Variants in WWOX observed in about 807,000 individuals in gnomAD.
The protein encoded by WWOX is WW domain containing oxidoreductase.
In WWOX, 69 loss-of-function variants were observed where a neutral mutation model predicts 46.2. The observed-to-expected ratio is 1.49, with a 90% CI of 1.23 to 1.82. The LOEUF (loss-of-function observed/expected upper bound fraction) is 1.82. Among genes scored for constraint, WWOX ranks in the 40% most tolerant of loss-of-function variants. WWOX has a pLI of 0.00. For missense variants in WWOX, 919 were observed against 542.6 expected (o/e 1.69, Z -6.89); for synonymous variants, 359 against 202.6 (o/e 1.77, Z -6.56).
In WWOX at chr16:79,212,087, G is replaced by A. The variant is rs865886317; in HGVS notation, c.*291G>A. 8 of 1,536,254 alleles carry A rather than the reference G, an allele frequency of 5.2e-6. No homozygotes were observed. Among genetic ancestry groups the A allele is most frequent in the South Asian group, 3.6e-5 (3 of 84,056 alleles). On this transcript the variant is annotated 3_prime_UTR_variant, in exon 9 of 9. Coordinates refer to ENST00000566780, the MANE Select transcript of WWOX (RefSeq NM_016373.4). The stretch of plus-strand genomic sequence containing the variant: ...GGTGTGTAGGTTCCGTATCTCCCTG[G>A]AGAAGCACCAGCAATTCTCTTTCTT...
chr16:78,799,769 T>C (rs926738936), intron 8 of WWOX, among the ~76,000 whole-genome samples: 64 of 152,186 alleles, frequency 4.2e-4, no homozygotes, highest in African/African-American at 1.5e-3. Flanking sequence ...GGGCATGCCA[T>C]TGGGAGAACA....
intron 8 of WWOX, among the ~76,000 whole-genome samples, chr16:78,588,387 G>A (rs1227181289): frequency 6.6e-6 from 1 of 152,110 alleles, no homozygotes; most frequent in Non-Finnish European, 1.5e-5. Flanking sequence ...TATATCTTGG[G>A]GGGCCAGGAT....
chr16:78,386,931 A>G lies in WWOX; in HGVS notation c.588A>G (p.Ala196=), dbSNP rs1251272581. The G allele has an allele frequency of 2.5e-6, 4 of 1,614,138 alleles. No homozygotes were observed. Among genetic ancestry groups the G allele is most frequent in the East Asian group, 4.5e-5 (2 of 44,886 alleles). ...LLRSVQHFAE[A]FKAKNVPLHV... ...GTAGCGTGCAGCATTTTGCTGAAGC[A>G]TTCAAGGCCAAGAATGTGTGAGTGT... Residue 196 remains alanine (A), a synonymous_variant, in exon 6 of 9, where the codon GCA becomes GCG. Coordinates refer to ENST00000566780, the MANE Select transcript of WWOX (RefSeq NM_016373.4).
At chr16:78,704,091 G>T (rs530566987) in intron 8 of WWOX, among the ~76,000 whole-genome samples, 1 of 150,832 alleles carries the variant, frequency 6.6e-6, no homozygotes, top group Non-Finnish European at 1.5e-5. Flanking sequence ...TTCACTAGAT[G>T]TTGTTCCACC....
intron 8 of WWOX, among the ~76,000 whole-genome samples, chr16:78,525,001 A>T (rs995191852): frequency 6.8e-6 from 1 of 147,180 alleles, no homozygotes; most frequent in African/African-American, 2.5e-5. Flanking sequence ...GAGTAGCTGG[A>T]ATTACGGGCT....
chr16:78,135,006 T>C (rs755284075), intron 4 of WWOX, among the ~76,000 whole-genome samples: 1 of 152,110 alleles, frequency 6.6e-6, no homozygotes, highest in Non-Finnish European at 1.5e-5. Context: ...AATGCACAGA[T>C]AGAAAGGGTG....
At chr16:78,692,134 G>C (rs563152213) in intron 8 of WWOX, among the ~76,000 whole-genome samples, 59 of 152,254 alleles carry the variant, frequency 3.9e-4, no homozygotes, top group African/African-American at 1.4e-3. Flanking sequence ...TTTATCAGCA[G>C]CGTGAAAACG....
chr16:78,629,794 T>G (rs76519690), intron 8 of WWOX, among the ~76,000 whole-genome samples: 2,650 of 152,310 alleles, frequency 0.017, 72 homozygotes, highest in African/African-American at 0.061. Flanking sequence ...AGTATTTCTT[T>G]GAACTCATTC....
rs549099896 is a variant in WWOX, at chr16:78,683,007, T to G, written c.1056+250255T>G. 3.3e-5 allele frequency among the ~76,000 whole-genome samples: 5 copies of G among 152,256 alleles called. No individual in the cohort carries two copies. The South Asian group carries it at 1.0e-3, about 32-fold the overall frequency. On this transcript the variant is annotated intron_variant, in intron 8 of 8. Coordinates refer to ENST00000566780, the MANE Select transcript of WWOX (RefSeq NM_016373.4). ...TTCTAAGATGTGAGATTTCAATAAA[T>G]GAATCTGTAGGCTGCTGTGATGGAT...
chr16:78,574,801 G>C (rs184901733), intron 8 of WWOX, among the ~76,000 whole-genome samples: 3 of 150,306 alleles, frequency 2.0e-5, no homozygotes, highest in East Asian at 4.0e-4. Context: ...TGGGGCTAGG[G>C]GGTCAGTGAA....
chr16:78,936,856 A>T (rs2045748593), intron 8 of WWOX, among the ~76,000 whole-genome samples: 1 of 152,200 alleles, frequency 6.6e-6, no homozygotes. Context: ...AGGCTTCTGT[A>T]ACTCTTTAAC....
intron 8 of WWOX, among the ~76,000 whole-genome samples, chr16:78,453,450 GTTGAT>G (rs2083740253): frequency 6.6e-6 from 1 of 151,896 alleles, no homozygotes; most frequent in South Asian, 2.1e-4. Flanking sequence ...TTCTTATTCA[GTTGAT>G]TTAAGATGGT....
intron 8 of WWOX, among the ~76,000 whole-genome samples, chr16:78,487,945 C>T (rs2084680279): frequency 6.6e-6 from 1 of 152,146 alleles, no homozygotes; most frequent in African/African-American, 2.4e-5. Flanking sequence ...AGTATTTCTA[C>T]CCTAGGATCA....
intron 8 of WWOX, chr16:78,691,160 C>T: frequency 1.4e-6 from 1 of 689,852 alleles, no homozygotes; most frequent in Non-Finnish European, 2.6e-6. Flanking sequence ...ACAGTATTTC[C>T]CCCAGTGTTT....
intron 8 of WWOX, among the ~76,000 whole-genome samples, chr16:78,878,874 A>G (rs991630505): frequency 4.8e-5 from 7 of 145,826 alleles, no homozygotes; most frequent in Non-Finnish European, 9.0e-5. Context: ...TGGGCAAGAT[A>G]GCAAAATACT....
chr16:78,899,205 G>C lies in WWOX; in HGVS notation c.1057-312403G>C, dbSNP rs529753196. ...ATGTGATGCTAGTTGTATGTTTTCT[G>C]TACCTATACTTCATTAGATTAAGGA... On this transcript the variant is annotated intron_variant, in intron 8 of 8. Coordinates refer to ENST00000566780, the MANE Select transcript of WWOX (RefSeq NM_016373.4). 9.7e-4 allele frequency: 147 copies of C among 152,202 alleles called. 1 individual carries two copies. Among genetic ancestry groups the C allele is most frequent in the African/African-American group, 3.1e-3 (129 of 41,552 alleles). The allele number at this position is 152,202 out of a possible 1,614,324, so 9.4% of individuals were successfully genotyped here. A position where few individuals can be genotyped will look rare whatever the true frequency, so the allele number is the denominator to read the frequency against.
At chr16:78,228,626 G>A (rs1690329782) in intron 5 of WWOX, among the ~76,000 whole-genome samples, 1 of 152,180 alleles carries the variant, frequency 6.6e-6, no homozygotes, top group African/African-American at 2.4e-5. Context: ...ACAGGTGTGA[G>A]CCACTGTATC....
At chr16:78,771,232 G>GC (rs1251267451) in intron 8 of WWOX, among the ~76,000 whole-genome samples, 2 of 152,168 alleles carry the variant, frequency 1.3e-5, no homozygotes, top group Non-Finnish European at 2.9e-5. Flanking sequence ...GATCGCTCTG[G>GC]CTGCTGTGTT....
intron 8 of WWOX, among the ~76,000 whole-genome samples, chr16:78,965,514 G>C (rs1349215337): frequency 6.6e-6 from 1 of 151,356 alleles, no homozygotes; most frequent in Non-Finnish European, 1.5e-5. Flanking sequence ...CGGTTGCAGT[G>C]AGCCGAGATG....
Sources: gnomAD v4.1 joint callset for allele counts (sites outside exome capture counted in the v4.1 genomes callset) on GRCh38, gnomAD v4.1.1 for gene constraint, MANE v1.5 for transcripts, NCBI Gene and HGNC (gene_info 2026-07-23, HGNC 2026-07-21) for gene names.